Variants in CTNNA3 observed in about 807,000 individuals in gnomAD.
The protein encoded by CTNNA3 is catenin alpha-3.
Under a neutral mutation model 95.7 loss-of-function variants are expected in CTNNA3, and 76 were observed. The observed-to-expected ratio is 0.79, with a 90% CI of 0.66 to 0.96. The LOEUF is 0.96. Among genes scored for constraint, CTNNA3 ranks in the 40% least tolerant of loss-of-function variants. CTNNA3 has a pLI of 0.00. For missense variants in CTNNA3, 1,191 were observed against 1,089.8 expected (o/e 1.09, Z -1.31); for synonymous variants, 431 against 374.4 (o/e 1.15, Z -1.74).
intron 14 of CTNNA3, among the ~76,000 whole-genome samples, chr10:66,089,067 T>A (rs988205487): frequency 6.6e-6 from 1 of 152,092 alleles, no homozygotes; most frequent in Admixed American, 6.6e-5. Context: ...TTTACCTTTT[T>A]TATTTTGTAT....
At chr10:66,282,351 A>G (rs1044641187) in intron 12 of CTNNA3, among the ~76,000 whole-genome samples, 61 of 151,908 alleles carry the variant, frequency 4.0e-4, no homozygotes, top group African/African-American at 1.4e-3. Flanking sequence ...ACAATGGCAA[A>G]ATTCTGCCTG....
At chr10:66,577,563 C>A (rs1843046439) in intron 10 of CTNNA3, among the ~76,000 whole-genome samples, 1 of 152,038 alleles carries the variant, frequency 6.6e-6, no homozygotes, top group Admixed American at 6.6e-5. Flanking sequence ...GTGATCCCAG[C>A]ACCATTTATT....
At chr10:67,319,562 T>C (rs535110478) in intron 5 of CTNNA3, among the ~76,000 whole-genome samples, 84 of 152,288 alleles carry the variant, frequency 5.5e-4, no homozygotes, top group African/African-American at 1.7e-3. Context: ...TGGTAAGGAC[T>C]CCTTTCCAAG....
chr10:67,557,721 A>G (rs1210265319), intron 3 of CTNNA3, among the ~76,000 whole-genome samples: 1 of 152,222 alleles, frequency 6.6e-6, no homozygotes, highest in African/African-American at 2.4e-5. Context: ...TGGGTTGTTT[A>G]CAGAATTTCT....
intron 7 of CTNNA3, among the ~76,000 whole-genome samples, chr10:67,167,486 T>C (rs1861822753): frequency 6.6e-6 from 1 of 152,220 alleles, no homozygotes; most frequent in South Asian, 2.1e-4. Context: ...TCAGAAGTCC[T>C]AGAATGTTAC....
At chr10:67,360,818 T>G (rs1842969792) in intron 5 of CTNNA3, among the ~76,000 whole-genome samples, 1 of 152,060 alleles carries the variant, frequency 6.6e-6, no homozygotes, top group African/African-American at 2.4e-5. Flanking sequence ...AAACCATTCA[T>G]GAGAAATCCA....
chr10:66,473,789 G>A (rs1328614921), intron 11 of CTNNA3, among the ~76,000 whole-genome samples: 2 of 152,002 alleles, frequency 1.3e-5, no homozygotes, highest in African/African-American at 4.8e-5. Flanking sequence ...CCTTGTGATA[G>A]TTTGCTGAGA....
At chr10:66,092,692 G>T (rs1240121444) in intron 14 of CTNNA3, among the ~76,000 whole-genome samples, 1 of 151,786 alleles carries the variant, frequency 6.6e-6, no homozygotes, top group Non-Finnish European at 1.5e-5. Context: ...ATAGAACTTT[G>T]GTTTTTTTGT....
chr10:66,491,541 A>G (rs1194929183), intron 11 of CTNNA3, among the ~76,000 whole-genome samples: 1 of 152,134 alleles, frequency 6.6e-6, no homozygotes, highest in East Asian at 1.9e-4. Context: ...AAAACCCTAC[A>G]TATTTGCCCA....
intron 1 of CTNNA3, among the ~76,000 whole-genome samples, chr10:67,727,432 G>C (rs1417009246): frequency 7.8e-6 from 1 of 128,628 alleles, no homozygotes; most frequent in African/African-American, 2.9e-5. Flanking sequence ...CAAGTGACTA[G>C]AATTTTCTAT....
At chr10:67,751,136 G>A in intron 1 of CTNNA3, 1 of 1,332,692 alleles carries the variant, frequency 7.5e-7, no homozygotes, top group Non-Finnish European at 1.1e-6. Context: ...ATGATGAGGA[G>A]ATGGCAACCA....
chr10:66,626,239 T>G (rs1189018594), intron 9 of CTNNA3, among the ~76,000 whole-genome samples: 3 of 152,150 alleles, frequency 2.0e-5, no homozygotes, highest in Admixed American at 6.6e-5. Context: ...GCTTATCACA[T>G]ATCATTCAGT....
intron 3 of CTNNA3, among the ~76,000 whole-genome samples, chr10:67,548,381 CAATGCA>C (rs1439819017): frequency 6.6e-6 from 1 of 152,074 alleles, no homozygotes; most frequent in Non-Finnish European, 1.5e-5. Context: ...TCCTTTATAG[CAATGCA>C]AAAATGGACT....
intron 9 of CTNNA3, among the ~76,000 whole-genome samples, chr10:66,739,001 G>T (rs1849239862): frequency 6.6e-6 from 1 of 152,152 alleles, no homozygotes; most frequent in South Asian, 2.1e-4. Context: ...TGATGTGTGA[G>T]GGGGATGTGG....
chr10:66,796,990 G>A (rs975547754), intron 7 of CTNNA3, among the ~76,000 whole-genome samples: 15 of 151,556 alleles, frequency 9.9e-5, no homozygotes, highest in Non-Finnish European at 2.1e-4. Flanking sequence ...TATATTTCTA[G>A]CCTTGAAACA....
chr10:67,037,643 C>T (rs764693081), intron 7 of CTNNA3, among the ~76,000 whole-genome samples: 12 of 152,042 alleles, frequency 7.9e-5, no homozygotes, highest in Non-Finnish European at 1.8e-4. Flanking sequence ...AAGACACTAA[C>T]AGAGGGTGAG....
chr10:66,568,454 T>C (rs186514259), intron 10 of CTNNA3, among the ~76,000 whole-genome samples: 47 of 152,224 alleles, frequency 3.1e-4, no homozygotes, highest in African/African-American at 1.1e-3. Context: ...AACTAAGTTC[T>C]GACACCAATA....
chr10:66,135,177 T>C (rs748431535), intron 13 of CTNNA3, among the ~76,000 whole-genome samples: 1 of 152,164 alleles, frequency 6.6e-6, no homozygotes, highest in Non-Finnish European at 1.5e-5. Context: ...GACACCTCAA[T>C]TGCAACAAAA....
In CTNNA3 at chr10:66,820,133, T is replaced by G. The variant is rs561632459; in HGVS notation, c.1048-44609A>C. Among the ~76,000 whole-genome samples the G allele has an allele frequency of 5.3e-5, 8 of 151,612 alleles. No homozygotes were observed. The South Asian group carries it at 1.5e-3, about 28-fold the overall frequency. On this transcript the variant is annotated intron_variant, in intron 7 of 17. Coordinates refer to ENST00000433211, the MANE Select transcript of CTNNA3 (RefSeq NM_013266.4). ...TGAATTAAAAATTACAGCATATTCA[T>G]ACAATATAATATTATTCCATCATAA...
Sources: gnomAD v4.1 joint callset for allele counts (sites outside exome capture counted in the v4.1 genomes callset) on GRCh38, gnomAD v4.1.1 for gene constraint, MANE v1.5 for transcripts, NCBI Gene and HGNC (gene_info 2026-07-23, HGNC 2026-07-21) for gene names.